Variants in SYTL5 observed in about 807,000 individuals in gnomAD.
The protein encoded by SYTL5 is synaptotagmin-like protein 5.
A neutral mutation model predicts 55.9 loss-of-function variants in SYTL5; 34 were observed. That is an observed-to-expected ratio of 0.61 (90% CI 0.46 to 0.81). The LOEUF (loss-of-function observed/expected upper bound fraction) is 0.81, where lower values mean the gene tolerates loss of function less well. Among genes scored for constraint, SYTL5 ranks in the 30% least tolerant of loss-of-function variants. SYTL5 has a pLI of 0.00. For synonymous variants in SYTL5, 221 were observed against 188.7 expected, an observed-to-expected ratio of 1.17 and a Z score of -1.40; for missense variants, 637 against 546.7, an observed-to-expected ratio of 1.17 and a Z score of -1.65.
At chrX:38,073,752 A>G in intron 5 of SYTL5, 54 bp downstream of exon 5, 1 of 846,417 alleles carries the variant, frequency 1.2e-6, no homozygotes. Context: ...GACACCTCTG[A>G]AATGAAGACT....
intron 3 of SYTL5, among the ~76,000 whole-genome samples, chrX:38,061,150 C>A (rs1358105753): frequency 8.9e-6 from 1 of 112,119 alleles, no homozygotes; most frequent in Non-Finnish European, 1.9e-5. Flanking sequence ...TCTAACCCTT[C>A]TATGACAACA....
At chrX:37,912,780 T>A in the SYTL5 span, among the ~76,000 whole-genome samples, 2 of 112,501 alleles carry the variant, frequency 1.8e-5, no homozygotes, top group Admixed American at 9.4e-5. Flanking sequence ...AAGACTGATA[T>A]ATGTATATTA....
chrX:38,013,868 A>G (rs760523366), intron 1 of SYTL5, among the ~76,000 whole-genome samples: 66 of 109,972 alleles, frequency 6.0e-4, no homozygotes, highest in African/African-American at 2.2e-3. Context: ...CCCTAGATCT[A>G]CTGGCCCCCT....
At chrX:38,038,331 T>A (rs113522183) in intron 2 of SYTL5, among the ~76,000 whole-genome samples, 13,228 of 111,363 alleles carry the variant, frequency 0.12, 736 homozygotes, top group Middle Eastern at 0.16. Context: ...GTACCCCCGC[T>A]TCTGTTGAAC....
intron 9 of SYTL5, among the ~76,000 whole-genome samples, chrX:38,099,436 C>T (rs1937026098): frequency 9.0e-6 from 1 of 111,106 alleles, no homozygotes. Context: ...AATAGGGATG[C>T]ATTTTTTCAG....
At chrX:38,102,833 T>C (rs967667736) in intron 10 of SYTL5, among the ~76,000 whole-genome samples, 1 of 112,124 alleles carries the variant, frequency 8.9e-6, no homozygotes, top group African/African-American at 3.2e-5. Flanking sequence ...GTCTGTCTTC[T>C]ACTCAAAACC....
chrX:38,030,888 A>T, intron 1 of SYTL5, among the ~76,000 whole-genome samples: 1 of 112,389 alleles, frequency 8.9e-6, no homozygotes, highest in East Asian at 2.8e-4. Flanking sequence ...GCTCTCCGGA[A>T]GGTGGAGACC....
In SYTL5 at chrX:38,089,649, C is replaced by G; in HGVS notation, c.831+62C>G. 6.5e-6 allele frequency: 7 copies of G among 1,076,467 alleles called. No homozygotes were observed. In the East Asian group the frequency reaches 1.6e-4, roughly 25 times the overall value. 88.7% of individuals were successfully genotyped at this position (1,076,467 alleles called of 1,213,427 possible). The stretch of plus-strand genomic sequence containing the variant: ...ATTCTCACACTGCTATAAAGAACTG[C>G]CAGAGATTGGGTAATTTATAAACAA... On this transcript the variant is annotated intron_variant, in intron 7 of 16. Transcript: ENST00000297875.
intron 3 of SYTL5, among the ~76,000 whole-genome samples, chrX:38,055,595 C>G (rs1193220372): frequency 2.7e-5 from 3 of 111,746 alleles, no homozygotes; most frequent in Non-Finnish European, 3.8e-5. Context: ...GTTAACTCAT[C>G]CTGTTACAGT....
intron 1 of SYTL5, among the ~76,000 whole-genome samples, chrX:38,020,565 G>T (rs1296204789): frequency 1.9e-5 from 2 of 106,210 alleles, no homozygotes; most frequent in Non-Finnish European, 3.9e-5. Context: ...AAGACTATTA[G>T]TATTATTAAT....
rs1452177435 is a variant in SYTL5 at position 38,096,666 on chromosome X, CATTT to C, written c.1062+433_1062+436del. Among the ~76,000 whole-genome samples, 229 of 111,368 alleles carry C rather than the reference CATTT, an allele frequency of 2.1e-3. 1 individual carries two copies. Among genetic ancestry groups the C allele is most frequent in the African/African-American group, 7.3e-3 (225 of 30,879 alleles). On this transcript the variant is annotated intron_variant, in intron 9 of 16. Coordinates refer to ENST00000297875, the MANE Select transcript of SYTL5 (RefSeq NM_138780.3). ...GTGAAAATTAATGTTTCAGTGAACT[CATTT>C]CTAGAATGAGAAGGTTAAATTAGAT...
chrX:37,929,975 A>T, the SYTL5 span, among the ~76,000 whole-genome samples: 1 of 112,192 alleles, frequency 8.9e-6, no homozygotes, highest in Non-Finnish European at 1.9e-5. Flanking sequence ...TAGTTAAGTC[A>T]AATGGAACCA....
At chrX:37,928,821 T>G in the SYTL5 span, among the ~76,000 whole-genome samples, 1 of 112,531 alleles carries the variant, frequency 8.9e-6, no homozygotes, top group Non-Finnish European at 1.9e-5. Context: ...TTCTTTATCT[T>G]AGTCCAGTGG....
the SYTL5 span, among the ~76,000 whole-genome samples, chrX:37,923,075 G>A: frequency 5.3e-5 from 6 of 112,556 alleles, no homozygotes; most frequent in Non-Finnish European, 9.4e-5. Flanking sequence ...TGTGCTTTCC[G>A]TCCATTGGCC....
the SYTL5 span, chrX:37,906,241 C>G: frequency 8.9e-6 from 1 of 112,019 alleles, no homozygotes; most frequent in Non-Finnish European, 1.9e-5. Flanking sequence ...TGCTTCCTCC[C>G]TCTGGCTCTC....
intron 16 of SYTL5, 91 bp from the exon 17 acceptor site, chrX:38,126,497 T>C: frequency 1.0e-6 from 1 of 969,937 alleles, no homozygotes; most frequent in Non-Finnish European, 1.4e-6. Context: ...GGTACTCTGG[T>C]GAAAAGGCCT....
intron 1 of SYTL5, among the ~76,000 whole-genome samples, chrX:38,032,032 G>A (rs1048464880): frequency 1.6e-4 from 18 of 112,044 alleles, no homozygotes; most frequent in Non-Finnish European, 3.0e-4. Context: ...CAAACACATA[G>A]GGGTTTGTGG....
At chrX:37,973,089 T>C in the SYTL5 span, among the ~76,000 whole-genome samples, 1 of 111,964 alleles carries the variant, frequency 8.9e-6, no homozygotes, top group African/African-American at 3.3e-5. Context: ...AATGTGGGTT[T>C]TTCTCACAAT....
At chrX:38,105,069 T>C (rs1418361776) in intron 10 of SYTL5, among the ~76,000 whole-genome samples, 1 of 112,585 alleles carries the variant, frequency 8.9e-6, no homozygotes, top group East Asian at 2.8e-4. Flanking sequence ...ACACAAGCTC[T>C]GTGATAGCAG....
Sources: gnomAD v4.1 joint callset for allele counts (sites outside exome capture counted in the v4.1 genomes callset) on GRCh38, gnomAD v4.1.1 for gene constraint, MANE v1.5 for transcripts, NCBI Gene and HGNC (gene_info 2026-07-23, HGNC 2026-07-21) for gene names.